Variants in DOCK11 observed in about 807,000 individuals in gnomAD.
DOCK11 encodes dedicator of cytokinesis 11.
DOCK11 carries 70 observed loss-of-function variants against 169.1 expected under a neutral mutation model. The ratio of observed to expected loss-of-function variants is 0.41; its 90% CI spans 0.34 to 0.51. The LOEUF (loss-of-function observed/expected upper bound fraction) is 0.51, where lower values mean the gene tolerates loss of function less well. DOCK11 is among the 20% of genes least tolerant of loss of function. The probability of loss-of-function intolerance (pLI) is 0.10; values close to 1 mark genes in which losing one functional copy is unlikely to be tolerated. For missense variants in DOCK11, 1,166 were observed against 1,538.8 expected, an observed-to-expected ratio of 0.76 and a Z score of 4.05; for synonymous variants, 529 against 541.3, an observed-to-expected ratio of 0.98 and a Z score of 0.32.
At chrX:118,552,962 TA>T (rs1460732446) in intron 6 of DOCK11, among the ~76,000 whole-genome samples, 1 of 111,881 alleles carries the variant, frequency 8.9e-6, no homozygotes, top group Non-Finnish European at 1.9e-5. Flanking sequence ...TTAGCACTTG[TA>T]ATTTGCTTTG....
intron 44 of DOCK11, among the ~76,000 whole-genome samples, chrX:118,657,885 A>G (rs1201247089): frequency 1.8e-5 from 2 of 110,039 alleles, no homozygotes; most frequent in African/African-American, 6.8e-5. Flanking sequence ...TGCTCGGGTG[A>G]CAGGTACACC....
intron 45 of DOCK11, among the ~76,000 whole-genome samples, chrX:118,667,706 C>A (rs1339957178): frequency 9.0e-6 from 1 of 111,091 alleles, no homozygotes; most frequent in Non-Finnish European, 1.9e-5. Flanking sequence ...TCCATATAAT[C>A]TTTAGAATCA....
At chrX:118,651,933 T>C in intron 41 of DOCK11, 31 bp from the exon 42 acceptor site, 1 of 1,068,200 alleles carries the variant, frequency 9.4e-7, no homozygotes. Flanking sequence ...TCAAAAGTTA[T>C]TTGGAAAATA....
At chrX:118,505,167 G>T (rs183617877) in intron 1 of DOCK11, among the ~76,000 whole-genome samples, 31 of 111,785 alleles carry the variant, frequency 2.8e-4, no homozygotes, top group African/African-American at 1.0e-3. Context: ...GGGACTACAG[G>T]TGTGCACCAC....
chrX:118,621,525 T>C (rs2014971867), intron 31 of DOCK11, among the ~76,000 whole-genome samples: 1 of 112,081 alleles, frequency 8.9e-6, no homozygotes, highest in Non-Finnish European at 1.9e-5. Context: ...AACTCCCTAA[T>C]CATCCCCACC....
chrX:118,586,253 G>A (rs761951038), intron 16 of DOCK11, among the ~76,000 whole-genome samples: 1 of 111,441 alleles, frequency 9.0e-6, no homozygotes, highest in Non-Finnish European at 1.9e-5. Flanking sequence ...TTTTCACACG[G>A]CTATAAAGAT....
intron 45 of DOCK11, among the ~76,000 whole-genome samples, chrX:118,665,704 A>T (rs1166850153): frequency 8.9e-6 from 1 of 112,169 alleles, no homozygotes; most frequent in African/African-American, 3.2e-5. Context: ...CAGTTTGCAT[A>T]ATAAGGCTTC....
intron 3 of DOCK11, 150 bp from the exon 4 acceptor site, chrX:118,543,361 G>C: frequency 2.2e-6 from 1 of 449,355 alleles, no homozygotes; most frequent in Non-Finnish European, 3.8e-6. Context: ...CTGGGTAAGA[G>C]AGACACAGTT....
intron 27 of DOCK11, among the ~76,000 whole-genome samples, chrX:118,609,797 T>C (rs2014635057): frequency 8.9e-6 from 1 of 112,620 alleles, no homozygotes; most frequent in Non-Finnish European, 1.9e-5. Flanking sequence ...ATACATTTTG[T>C]TGTAATTTTT....
rs1569440588 is a variant in DOCK11, at chrX:118,647,742, A to AATATATAATAATATATAATATATTATT, written c.4399-1177_4399-1176insTATATATAATAATATATAATATATTAT. On this transcript the variant is annotated intron_variant, in intron 40 of 52. Coordinates refer to ENST00000276202, the MANE Select transcript of DOCK11 (RefSeq NM_144658.4). ...TATAATAATTAATATAATATAATAT[A>AATATATAATAATATATAATATATTATT]ATATATAATAATATATAATATATTA... 1.4e-4 allele frequency among the ~76,000 whole-genome samples: 7 copies of AATATATAATAATATATAATATATTATT among 51,683 alleles called. No individual in the cohort carries two copies. The East Asian group carries it at 4.8e-3, about 36-fold the overall frequency. 44.9% of individuals were successfully genotyped at this position (51,683 alleles called of 115,157 possible). A position where few individuals can be genotyped will look rare whatever the true frequency, so the allele number is the denominator to read the frequency against.
At chrX:118,617,558 A>G (rs752696847) in intron 30 of DOCK11, among the ~76,000 whole-genome samples, 1 of 109,658 alleles carries the variant, frequency 9.1e-6, no homozygotes, top group South Asian at 3.9e-4. Context: ...AGTCCCAACC[A>G]TGATATTAAC....
Position 118,570,358 on chromosome X carries a change from A to G in DOCK11, c.1036-1965A>G, listed in dbSNP as rs974828764. On this transcript the variant is annotated intron_variant, in intron 10 of 52. Coordinates refer to ENST00000276202, the MANE Select transcript of DOCK11 (RefSeq NM_144658.4). Reference sequence around the variant, plus strand: ...TTGGTCCAGTTTCTCTTTCCATTCTACTGTCTGAGTAACACAGAAAGGAGA... The same window carrying G: ...TTGGTCCAGTTTCTCTTTCCATTCTGCTGTCTGAGTAACACAGAAAGGAGA... Among the ~76,000 whole-genome samples, 3 of 112,267 alleles carry G rather than the reference A, an allele frequency of 2.7e-5. No individual in the cohort carries two copies. In the Admixed American group the frequency reaches 2.8e-4, roughly 11 times the overall value.
chrX:118,611,934 A>G (rs770797379), intron 28 of DOCK11, among the ~76,000 whole-genome samples: 2 of 111,583 alleles, frequency 1.8e-5, no homozygotes, highest in African/African-American at 3.3e-5. Flanking sequence ...TAGTAGAGAC[A>G]GGGGTTTGCC....
At position 118,662,729 on chromosome X, in the gene DOCK11, C is replaced by T. The variant is rs1369417984; in HGVS notation, c.5013C>T (p.Pro1671=). 8.3e-7 allele frequency: 1 copy of T among 1,200,111 alleles called. No individual in the cohort carries two copies. Among genetic ancestry groups the T allele is most frequent in the African/African-American group, 1.8e-5 (1 of 56,905 alleles). ...NGCSAFKKIT[P]NIDEEGAMKE... is the part of the protein sequence containing the mutation. ...GTTCAGCGTTCAAGAAAATTACTCC[C>T]AATATAGATGAAGAAGGAGCAATGA... The change falls in exon 45 of 53, where the codon CCC becomes CCT. Residue 1671 remains proline, a synonymous_variant. Transcript: ENST00000276202.
At chrX:118,612,981 G>A (rs1245099204) in intron 28 of DOCK11, among the ~76,000 whole-genome samples, 1 of 111,729 alleles carries the variant, frequency 9.0e-6, no homozygotes, top group Non-Finnish European at 1.9e-5. Context: ...CAGGGCAACC[G>A]ATTAGAAAAC....
At chrX:118,552,046 A>AG (rs1330717024) in intron 6 of DOCK11, among the ~76,000 whole-genome samples, 6 of 108,269 alleles carry the variant, frequency 5.5e-5, no homozygotes, top group Non-Finnish European at 1.1e-4. Context: ...TCAAAAAAAA[A>AG]AAAAAAGGGA....
intron 1 of DOCK11, among the ~76,000 whole-genome samples, chrX:118,514,771 G>A (rs924929833): frequency 3.6e-5 from 4 of 112,367 alleles, no homozygotes; most frequent in African/African-American, 9.7e-5. Flanking sequence ...CCTGCTAAAG[G>A]GAATCCTATC....
intron 27 of DOCK11, 33 bp from the exon 28 acceptor site, chrX:118,610,239 G>A (rs375217017): frequency 5.8e-6 from 7 of 1,204,183 alleles, no homozygotes; most frequent in Non-Finnish European, 7.9e-6. Flanking sequence ...CCTTTTGGAA[G>A]TCTGACTTTT....
At chrX:118,544,227 A>G (rs1434180431) in intron 4 of DOCK11, among the ~76,000 whole-genome samples, 2 of 111,683 alleles carry the variant, frequency 1.8e-5, no homozygotes, top group Non-Finnish European at 3.8e-5. Context: ...CAGTTTGATG[A>G]ACCTAGCCAT....
Sources: allele counts gnomAD v4.1 joint callset (sites outside exome capture counted in the v4.1 genomes callset), GRCh38; gene constraint gnomAD v4.1.1; transcripts MANE v1.5; gene names NCBI Gene and HGNC (gene_info 2026-07-23, HGNC 2026-07-21).